Variants in CENPW observed in about 807,000 individuals in gnomAD.
The protein encoded by CENPW is cancer-up-regulated gene 2 protein.
Under a neutral mutation model 11.1 loss-of-function variants are expected in CENPW, and 3 were observed. The observed-to-expected ratio is 0.27, with a 90% confidence interval of 0.12 to 0.70. The LOEUF is 0.70. Among genes scored for constraint, CENPW ranks in the 30% least tolerant of loss-of-function variants. The probability of loss-of-function intolerance (pLI) is 0.77; values close to 1 mark genes in which losing one functional copy is unlikely to be tolerated. For synonymous variants in CENPW, 38 were observed against 42.0 expected, an observed-to-expected ratio of 0.91 and a Z score of 0.37; for missense variants, 100 against 105.6, an observed-to-expected ratio of 0.95 and a Z score of 0.23.
Position 126,340,238 on chromosome 6 carries a change from C to T in CENPW, c.-36C>T. On this transcript the variant is annotated 5_prime_UTR_variant, in exon 1 of 3. Transcript: ENST00000368328. ...AGCTTGTGTGCGATACAGAGAGCACCTCGGAAGCTGAGGCAGCTGGTACTT... is the reference window on the plus strand; with the variant it reads ...AGCTTGTGTGCGATACAGAGAGCACTTCGGAAGCTGAGGCAGCTGGTACTT... 5.6e-6 allele frequency: 9 copies of T among 1,608,432 alleles called. No homozygotes were observed. Among genetic ancestry groups the T allele is most frequent in the Non-Finnish European group, 6.8e-6 (8 of 1,176,678 alleles).
the CENPW span, among the ~76,000 whole-genome samples, chr6:126,467,757 T>C: frequency 1 from 152,066 of 152,314 alleles, 75,911 homozygotes; most frequent in South Asian, 1. Context: ...TTGCACACAG[T>C]GACTGTCTTC....
chr6:126,479,195 A>G, the CENPW span, among the ~76,000 whole-genome samples: 3 of 151,848 alleles, frequency 2.0e-5, no homozygotes, highest in Non-Finnish European at 4.4e-5. Flanking sequence ...CCAGGGCTCT[A>G]TGTTTTTAAT....
chr6:126,462,402 T>G, the CENPW span, among the ~76,000 whole-genome samples: 1 of 151,874 alleles, frequency 6.6e-6, no homozygotes, highest in Non-Finnish European at 1.5e-5. Flanking sequence ...TTAGAAAATT[T>G]AAGAACATTT....
the CENPW span, among the ~76,000 whole-genome samples, chr6:126,451,167 T>A: frequency 6.6e-6 from 1 of 151,040 alleles, no homozygotes; most frequent in Admixed American, 6.6e-5. Context: ...TTTTTCTACA[T>A]CTTTATTTTA....
the CENPW span, among the ~76,000 whole-genome samples, chr6:126,466,251 T>A: frequency 3.3e-5 from 5 of 152,106 alleles, no homozygotes; most frequent in African/African-American, 1.2e-4. Context: ...ATTACAAGTG[T>A]ATAAAACAAC....
At chr6:126,413,354 A>G in the CENPW span, among the ~76,000 whole-genome samples, 1 of 152,172 alleles carries the variant, frequency 6.6e-6, no homozygotes, top group Admixed American at 6.5e-5. Flanking sequence ...ATCAATTCAT[A>G]TATAAGGAAA....
At chr6:126,362,620 C>G in the CENPW span, among the ~76,000 whole-genome samples, 1 of 152,162 alleles carries the variant, frequency 6.6e-6, no homozygotes, top group Admixed American at 6.5e-5. Context: ...ATCTTGTCCC[C>G]CACCTTGATT....
chr6:126,464,376 T>C, the CENPW span, among the ~76,000 whole-genome samples: 7 of 152,184 alleles, frequency 4.6e-5, no homozygotes, highest in African/African-American at 4.8e-5. Flanking sequence ...TTGATTGGAT[T>C]GAAGGATGCA....
chr6:126,430,997 A>G, the CENPW span, among the ~76,000 whole-genome samples: 1 of 152,156 alleles, frequency 6.6e-6, no homozygotes, highest in African/African-American at 2.4e-5. Context: ...ATGTTTTATA[A>G]AATAAGAAAC....
the CENPW span, among the ~76,000 whole-genome samples, chr6:126,423,365 A>G: frequency 6.6e-6 from 1 of 152,142 alleles, no homozygotes; most frequent in Non-Finnish European, 1.5e-5. Flanking sequence ...CTTGCTTGAA[A>G]TTGACATATT....
At chr6:126,470,775 A>G in the CENPW span, among the ~76,000 whole-genome samples, 2 of 152,248 alleles carry the variant, frequency 1.3e-5, no homozygotes, top group African/African-American at 4.8e-5. Context: ...GACATGGAGT[A>G]AAAGGAGATT....
the CENPW span, among the ~76,000 whole-genome samples, chr6:126,382,127 C>T: frequency 6.6e-6 from 1 of 152,066 alleles, no homozygotes; most frequent in African/African-American, 2.4e-5. Context: ...TGGCACATGC[C>T]TGTAATCCCA....
downstream of CENPW, among the ~76,000 whole-genome samples, chr6:126,353,613 A>G (rs1362195875): frequency 2.0e-5 from 3 of 151,872 alleles, no homozygotes; most frequent in African/African-American, 7.2e-5. Flanking sequence ...TTCTGATACC[A>G]TAGGATGGTG....
the CENPW span, among the ~76,000 whole-genome samples, chr6:126,379,460 G>A: frequency 6.6e-6 from 1 of 152,096 alleles, no homozygotes; most frequent in Admixed American, 6.6e-5. Context: ...GGGAATAAAG[G>A]AAAGATATTG....
At chr6:126,476,357 G>GA in the CENPW span, among the ~76,000 whole-genome samples, 1 of 151,808 alleles carries the variant, frequency 6.6e-6, no homozygotes, top group Non-Finnish European at 1.5e-5. Context: ...GCTTTCTACT[G>GA]AAAAATTTTT....
the CENPW span, among the ~76,000 whole-genome samples, chr6:126,406,361 T>G: frequency 1.3e-5 from 2 of 152,174 alleles, no homozygotes; most frequent in Non-Finnish European, 2.9e-5. Flanking sequence ...TTTATTGAGA[T>G]ATTTTGGATC....
chr6:126,349,009 T>C (rs1223924605), downstream of CENPW: 2 of 152,068 alleles, frequency 1.3e-5, no homozygotes, highest in Admixed American at 1.3e-4. Flanking sequence ...AAACATCAGG[T>C]AGGTTTTTCA....
the CENPW span, among the ~76,000 whole-genome samples, chr6:126,405,365 T>C: frequency 5.6e-4 from 85 of 152,260 alleles, no homozygotes; most frequent in African/African-American, 1.9e-3. Context: ...TTGGCCTATG[T>C]TTCTGTTTTC....
At chr6:126,360,631 A>AT in the CENPW span, among the ~76,000 whole-genome samples, 15 of 150,806 alleles carry the variant, frequency 9.9e-5, 1 homozygote, top group Non-Finnish European at 1.5e-4. Flanking sequence ...TTTAAAAATT[A>AT]TTTTTTTCTC....
Sources: gnomAD v4.1 joint callset for allele counts (sites outside exome capture counted in the v4.1 genomes callset) on GRCh38, gnomAD v4.1.1 for gene constraint, MANE v1.5 for transcripts, NCBI Gene and HGNC (gene_info 2026-07-23, HGNC 2026-07-21) for gene names.